Variants in KIAA1549L observed in about 807,000 individuals in gnomAD.
The protein encoded by KIAA1549L is KIAA1549 like.
A neutral mutation model predicts 160.7 loss-of-function variants in KIAA1549L; 88 were observed. That is an observed-to-expected ratio of 0.55 (90% CI 0.46 to 0.65). The LOEUF is 0.65. Among genes scored for constraint, KIAA1549L ranks in the 30% least tolerant of loss-of-function variants. The probability of loss-of-function intolerance (pLI) is 0.00; values close to 1 mark genes in which losing one functional copy is unlikely to be tolerated. For synonymous variants in KIAA1549L, 950 were observed against 976.7 expected (o/e 0.97, Z 0.51); for missense variants, 2,258 against 2,437.5 (o/e 0.93, Z 1.55).
chr11:33,622,726 G>A (rs1243865884), intron 16 of KIAA1549L, among the ~76,000 whole-genome samples: 2 of 152,170 alleles, frequency 1.3e-5, no homozygotes, highest in African/African-American at 4.8e-5. Flanking sequence ...TTACCTCCAC[G>A]GCAGGCACCA....
intron 12 of KIAA1549L, among the ~76,000 whole-genome samples, 166 bp downstream of exon 12, chr11:33,591,587 A>G (rs976663588): frequency 6.6e-6 from 1 of 152,262 alleles, no homozygotes; most frequent in Non-Finnish European, 1.5e-5. Flanking sequence ...GAATCACAAT[A>G]CCTGCCTAGC....
At chr11:33,429,463 G>A (rs1158572365) in intron 1 of KIAA1549L, among the ~76,000 whole-genome samples, 2 of 151,950 alleles carry the variant, frequency 1.3e-5, no homozygotes, top group African/African-American at 2.4e-5. Flanking sequence ...TGCTCTTATC[G>A]AGGTCACCAG....
chr11:33,552,333 T>C (rs1854491172), intron 6 of KIAA1549L, 92 bp downstream of exon 6: 2 of 1,354,942 alleles, frequency 1.5e-6, no homozygotes, highest in Admixed American at 4.1e-5. Flanking sequence ...CTTTCAGAGC[T>C]ACCATGTATA....
At chr11:33,393,654 A>G (rs1850314219) in intron 1 of KIAA1549L, among the ~76,000 whole-genome samples, 1 of 152,240 alleles carries the variant, frequency 6.6e-6, no homozygotes, top group African/African-American at 2.4e-5. Flanking sequence ...CAACCGAGGC[A>G]TGTTGCCTCC....
At chr11:33,629,112 C>A (rs188184848) in intron 16 of KIAA1549L, among the ~76,000 whole-genome samples, 1 of 151,816 alleles carries the variant, frequency 6.6e-6, no homozygotes, top group Non-Finnish European at 1.5e-5. Context: ...TGAATTTTGG[C>A]CCCCACTCTC....
intron 1 of KIAA1549L, among the ~76,000 whole-genome samples, chr11:33,533,066 A>G (rs1348672326): frequency 6.6e-6 from 1 of 152,188 alleles, no homozygotes; most frequent in Non-Finnish European, 1.5e-5. Context: ...AAGCATCATG[A>G]CCAGGGGACT....
chr11:33,526,290 G>A (rs889821656), intron 1 of KIAA1549L, among the ~76,000 whole-genome samples: 4 of 152,090 alleles, frequency 2.6e-5, no homozygotes, highest in Non-Finnish European at 4.4e-5. Flanking sequence ...TAATTCTACC[G>A]CCTGCAACAT....
At chr11:33,441,621 G>A (rs1851508480) in intron 1 of KIAA1549L, among the ~76,000 whole-genome samples, 1 of 152,118 alleles carries the variant, frequency 6.6e-6, no homozygotes, top group Non-Finnish European at 1.5e-5. Flanking sequence ...TCTAACTTGT[G>A]TGAGATGGTA....
At chr11:33,482,817 G>A (rs1041201983) in intron 1 of KIAA1549L, among the ~76,000 whole-genome samples, 4 of 151,806 alleles carry the variant, frequency 2.6e-5, no homozygotes, top group East Asian at 3.9e-4. Flanking sequence ...TTATCCACCC[G>A]CCTCACCTCC....
intron 6 of KIAA1549L, among the ~76,000 whole-genome samples, chr11:33,558,338 A>G (rs866528783): frequency 6.6e-6 from 1 of 152,150 alleles, no homozygotes; most frequent in African/African-American, 2.4e-5. Context: ...CGATGGGGTG[A>G]GTGCGGGGTT....
rs201268050 is a variant in KIAA1549L, at chr11:33,433,243, CAT to C, written c.238+56357_238+56358del. On this transcript the variant is annotated intron_variant, in intron 1 of 20. Coordinates refer to ENST00000658780, the MANE Select transcript of KIAA1549L (RefSeq NM_012194.3). Reference sequence around the variant, plus strand: ...CTTCAACATATTTACAAGACAAAAACATATTTACAAGAAAAAAAGCCCATCAA... The same window carrying C: ...CTTCAACATATTTACAAGACAAAAACATTTACAAGAAAAAAAGCCCATCAA... Among the ~76,000 whole-genome samples the C allele has an allele frequency of 9.1e-3, 1,383 of 152,144 alleles. 6 individuals carry two copies. The highest frequency in any genetic ancestry group is 0.017 in the Middle Eastern group (5 of 292).
rs373155595 is a variant in KIAA1549L, at chr11:33,543,584, C to T, written c.2021C>T (p.Ser674Phe). The T allele has an allele frequency of 1.9e-6, 3 of 1,614,018 alleles. No individual in the cohort carries two copies. The highest frequency in any genetic ancestry group is 1.1e-5 in the South Asian group (1 of 91,080). Residue 674 changes from serine to phenylalanine, a missense_variant, in exon 2 of 21, where the codon TCC becomes TTC. Ser to Phe is a radical substitution (Grantham distance 155). Transcript: ENST00000658780. ...SASKQVRASPSSMDVYDSLTI... is the reference protein window; with the variant it reads ...SASKQVRASPFSMDVYDSLTI... ...TCCAAACAGGTGAGAGCATCGCCCT[C>T]CTCCATGGATGTATATGATTCCTTA...
chr11:33,664,491 G>T (rs1025306543), intron 20 of KIAA1549L, among the ~76,000 whole-genome samples: 2 of 152,164 alleles, frequency 1.3e-5, no homozygotes, highest in African/African-American at 2.4e-5. Flanking sequence ...CATCCAATTG[G>T]TGATGTCCCA....
chr11:33,455,802 A>AT (rs950975899), intron 1 of KIAA1549L, among the ~76,000 whole-genome samples: 21 of 152,216 alleles, frequency 1.4e-4, no homozygotes, highest in Middle Eastern at 3.4e-3. Flanking sequence ...ACTTATCTGT[A>AT]TTTTTTTTAG....
chr11:33,466,943 G>A (rs1852072916), intron 1 of KIAA1549L, among the ~76,000 whole-genome samples: 1 of 133,846 alleles, frequency 7.5e-6, no homozygotes, highest in Admixed American at 8.5e-5. Flanking sequence ...ACCGGGAGGG[G>A]GAACATCACA....
intron 1 of KIAA1549L, among the ~76,000 whole-genome samples, chr11:33,422,573 CTCCT>C (rs969922124): frequency 2.5e-4 from 33 of 130,558 alleles, no homozygotes; most frequent in Non-Finnish European, 5.2e-4. Context: ...CCCTCCCTCC[CTCCT>C]TCCTTCCTTC....
At position 33,421,296 on chromosome 11, in the gene KIAA1549L, T is replaced by C. The variant is rs376694938; in HGVS notation, c.238+44407T>C. Among the ~76,000 whole-genome samples, 16 of 151,010 alleles carry C rather than the reference T, an allele frequency of 1.1e-4. No individual in the cohort carries two copies. In the East Asian group the frequency reaches 3.1e-3, roughly 30 times the overall value. Reference sequence around the variant, plus strand: ...GTGCACTGGGGCTGTAGCAGTAGATTATGGGGTGGGGGTGAGCAGATCGGA... The same window carrying C: ...GTGCACTGGGGCTGTAGCAGTAGATCATGGGGTGGGGGTGAGCAGATCGGA... On this transcript the variant is annotated intron_variant, in intron 1 of 20. Coordinates refer to ENST00000658780, the MANE Select transcript of KIAA1549L (RefSeq NM_012194.3).
In KIAA1549L at chr11:33,671,183, GAA is replaced by G. The variant is rs999604939; in HGVS notation, c.*3031_*3032del. 3 of 152,180 alleles carry G rather than the reference GAA, an allele frequency of 2.0e-5. No homozygotes were observed. The highest frequency in any genetic ancestry group is 6.5e-5 in the Admixed American group (1 of 15,284). The allele number at this position is 152,180 out of a possible 1,614,324, so 9.4% of individuals were successfully genotyped here. Reference sequence around the variant, plus strand: ...AAGAAATGCATTTTGGCTTTTTCCAGAAAGAGTACCATCAAGGAAACGGAGAC... The same window carrying G: ...AAGAAATGCATTTTGGCTTTTTCCAGAGAGTACCATCAAGGAAACGGAGAC... On this transcript the variant is annotated 3_prime_UTR_variant, in exon 21 of 21. Transcript: ENST00000658780.
At chr11:33,660,334 T>C (rs1320847531) in intron 19 of KIAA1549L, among the ~76,000 whole-genome samples, 1 of 151,926 alleles carries the variant, frequency 6.6e-6, no homozygotes, top group African/African-American at 2.4e-5. Context: ...TCCCAACACT[T>C]TGGGAGGCCG....
Sources: allele counts gnomAD v4.1 joint callset (sites outside exome capture counted in the v4.1 genomes callset), GRCh38; gene constraint gnomAD v4.1.1; transcripts MANE v1.5; gene names NCBI Gene and HGNC (gene_info 2026-07-23, HGNC 2026-07-21).